The following SMARCA2 variants were observed in gnomAD, a reference collection of about 807,000 sequenced individuals.
SMARCA2 encodes SWI/SNF-related matrix-associated actin-dependent regulator of chromatin subfamily A member 2.
Under a neutral mutation model 199.8 loss-of-function variants are expected in SMARCA2, and 61 were observed. The ratio of observed to expected loss-of-function variants is 0.31; its 90% CI spans 0.25 to 0.38. The LOEUF (loss-of-function observed/expected upper bound fraction) is 0.38. SMARCA2 is among the 10% of genes least tolerant of loss of function. The probability of loss-of-function intolerance (pLI) is 1.00; values close to 1 mark genes in which losing one functional copy is unlikely to be tolerated. For synonymous variants in SMARCA2, 935 were observed against 732.0 expected (o/e 1.28, Z -4.48); for missense variants, 1,344 against 2,012.2 (o/e 0.67, Z 6.35).
intron 21 of SMARCA2, among the ~76,000 whole-genome samples, chr9:2,100,029 A>G (rs1822442263): frequency 6.6e-6 from 1 of 152,168 alleles, no homozygotes; most frequent in Non-Finnish European, 1.5e-5. Flanking sequence ...GATCATGAGC[A>G]TATTTGAGAG....
At chr9:2,095,651 C>T (rs938968905) in intron 19 of SMARCA2, among the ~76,000 whole-genome samples, 2 of 152,164 alleles carry the variant, frequency 1.3e-5, no homozygotes, top group Non-Finnish European at 2.9e-5. Context: ...ATTAATTGTG[C>T]TTCCATGTGG....
intron 27 of SMARCA2, 68 bp downstream of exon 27, chr9:2,124,005 G>A: frequency 1.6e-6 from 2 of 1,287,252 alleles, no homozygotes; most frequent in Non-Finnish European, 2.2e-6. Context: ...GAAACCAGGG[G>A]CCTAGAGCTG....
chr9:2,108,149 G>A (rs1467534456), intron 23 of SMARCA2, among the ~76,000 whole-genome samples: 2 of 152,186 alleles, frequency 1.3e-5, no homozygotes, highest in African/African-American at 4.8e-5. Flanking sequence ...ACATCAAAAG[G>A]CCATCTCTTG....
chr9:2,101,057 C>G (rs969129642), intron 21 of SMARCA2, among the ~76,000 whole-genome samples: 1 of 152,140 alleles, frequency 6.6e-6, no homozygotes, highest in African/African-American at 2.4e-5. Context: ...AAACCTTCCT[C>G]ATGATTCAGT....
At chr9:2,138,754 G>T (rs1259393754) in intron 27 of SMARCA2, among the ~76,000 whole-genome samples, 1 of 152,198 alleles carries the variant, frequency 6.6e-6, no homozygotes, top group African/African-American at 2.4e-5. Flanking sequence ...AATGGGGAAA[G>T]GGGTAGGGAA....
chr9:2,096,840 G>A (rs1822295062), intron 20 of SMARCA2, 76 bp downstream of exon 20: 13 of 885,776 alleles, frequency 1.5e-5, no homozygotes, highest in South Asian at 1.1e-4. Flanking sequence ...ATATTCACAG[G>A]AAGCATCCCT....
At chr9:2,079,461 C>A (rs185163744) in intron 14 of SMARCA2, among the ~76,000 whole-genome samples, 101 of 152,360 alleles carry the variant, frequency 6.6e-4, no homozygotes, top group African/African-American at 2.4e-3. Flanking sequence ...CAGTACAGTA[C>A]TGCCTTGATG....
rs116498794 is a variant in SMARCA2, at chr9:2,161,255, G to A, written c.3982-431G>A. 4.3e-3 allele frequency among the ~76,000 whole-genome samples: 657 copies of A among 152,192 alleles called. 4 individuals carry two copies. Among genetic ancestry groups the A allele is most frequent in the African/African-American group, 0.015 (630 of 41,522 alleles). On this transcript the variant is annotated intron_variant, in intron 27 of 33. Coordinates refer to ENST00000349721, the MANE Select transcript of SMARCA2 (RefSeq NM_003070.5). The surrounding 1 kb of genome is among the most constrained non-coding windows in gnomAD (Gnocchi z 4.7). ...AAGGTCAAAGCTTATATGATCGTGT[G>A]GATGTATTCTTAGGGATTGTTTTTT...
At chr9:2,030,602 C>A (rs1312507475) in intron 2 of SMARCA2, among the ~76,000 whole-genome samples, 1 of 149,160 alleles carries the variant, frequency 6.7e-6, no homozygotes, top group Non-Finnish European at 1.5e-5. Flanking sequence ...GGCCCACCGA[C>A]ATTGCTGGAG....
intron 3 of SMARCA2, among the ~76,000 whole-genome samples, chr9:2,035,249 C>G (rs923512937): frequency 1.3e-5 from 2 of 152,144 alleles, no homozygotes; most frequent in Non-Finnish European, 1.5e-5. Flanking sequence ...ACCATGTTGC[C>G]CAGGCTGGTC....
chr9:2,136,975 C>T (rs1292826366), intron 27 of SMARCA2, among the ~76,000 whole-genome samples: 8 of 152,134 alleles, frequency 5.3e-5, no homozygotes, highest in Admixed American at 4.6e-4. Flanking sequence ...CCTCTTTGGC[C>T]AAGCAGTCTG....
At chr9:2,145,822 T>C (rs1167603561) in intron 27 of SMARCA2, among the ~76,000 whole-genome samples, 1 of 152,128 alleles carries the variant, frequency 6.6e-6, no homozygotes, top group Non-Finnish European at 1.5e-5. Flanking sequence ...GAAGGCATTA[T>C]CTTTGTAAGA....
chr9:2,165,849 A>T (rs956596920), intron 28 of SMARCA2, among the ~76,000 whole-genome samples: 7 of 152,166 alleles, frequency 4.6e-5, no homozygotes, highest in African/African-American at 2.4e-5. Flanking sequence ...TCCTAGAGGC[A>T]TTATTAACGT....
chr9:2,133,317 T>G (rs1255611441), intron 27 of SMARCA2, among the ~76,000 whole-genome samples: 1 of 152,188 alleles, frequency 6.6e-6, no homozygotes, highest in African/African-American at 2.4e-5. Flanking sequence ...TTTACTTTAT[T>G]TTTTTAAGAG....
chr9:2,166,674 A>G (rs932437265), intron 28 of SMARCA2, among the ~76,000 whole-genome samples: 6 of 152,206 alleles, frequency 3.9e-5, no homozygotes, highest in African/African-American at 9.7e-5. Context: ...GATATAAGCT[A>G]TTGCTTAGAA....
intron 26 of SMARCA2, among the ~76,000 whole-genome samples, chr9:2,122,771 T>C (rs1823523477): frequency 6.6e-6 from 1 of 152,194 alleles, no homozygotes; most frequent in Admixed American, 6.5e-5. Flanking sequence ...AAAAGGTAAA[T>C]AACAATGATT....
chr9:2,090,870 G>C (rs948948598), intron 19 of SMARCA2, among the ~76,000 whole-genome samples: 3 of 149,702 alleles, frequency 2.0e-5, no homozygotes, highest in Non-Finnish European at 4.4e-5. Context: ...TTTTTTTTTA[G>C]CCTGGGGAAA....
At chr9:2,168,565 C>T (rs572107452) in intron 28 of SMARCA2, among the ~76,000 whole-genome samples, 35 of 152,242 alleles carry the variant, frequency 2.3e-4, no homozygotes, top group Admixed American at 1.4e-3. Flanking sequence ...ATTTGAAGTG[C>T]GTTAGGTATT....
intron 7 of SMARCA2, 92 bp from the exon 8 acceptor site, chr9:2,058,199 C>T: frequency 9.1e-7 from 1 of 1,098,198 alleles, no homozygotes; most frequent in Middle Eastern, 2.6e-4. Flanking sequence ...GTTAAACACA[C>T]ACTGAGAGTT....
Sources: gnomAD v4.1 joint callset for allele counts (sites outside exome capture counted in the v4.1 genomes callset) on GRCh38, gnomAD v4.1.1 for gene constraint, Gnocchi (gnomAD v3.1) non-coding constraint, MANE v1.5 for transcripts, NCBI Gene and HGNC (gene_info 2026-07-23, HGNC 2026-07-21) for gene names.